Variants in PRKCH observed in about 807,000 individuals in gnomAD.
PRKCH encodes protein kinase C eta type.
PRKCH carries 28 observed loss-of-function variants against 82.5 expected under a neutral mutation model. The ratio of observed to expected loss-of-function variants is 0.34; its 90% CI spans 0.25 to 0.47. The LOEUF (loss-of-function observed/expected upper bound fraction) is 0.47. Ranked by LOEUF, PRKCH falls within the 20% of genes least tolerant of loss-of-function variation. PRKCH has a pLI of 1.00. For missense variants in PRKCH, 705 were observed against 881.8 expected (o/e 0.80, Z 2.54); for synonymous variants, 322 against 327.4 (o/e 0.98, Z 0.18).
At chr14:61,535,149 A>T (rs1303415422) in intron 12 of PRKCH, among the ~76,000 whole-genome samples, 1 of 152,186 alleles carries the variant, frequency 6.6e-6, no homozygotes, top group Non-Finnish European at 1.5e-5. Flanking sequence ...GTTTATTTAT[A>T]TAATAGGCTT....
intron 1 of PRKCH, among the ~76,000 whole-genome samples, chr14:61,371,091 T>C (rs770124850): frequency 1.9e-4 from 29 of 152,246 alleles, no homozygotes; most frequent in Non-Finnish European, 3.2e-4. Flanking sequence ...TAATTTAGAA[T>C]TTAATTTCTT....
chr14:61,486,569 G>C lies in PRKCH; in HGVS notation c.1433+913G>C, dbSNP rs3783769. On this transcript the variant is annotated intron_variant, in intron 10 of 13. Coordinates refer to ENST00000332981, the MANE Select transcript of PRKCH (RefSeq NM_006255.5). ...GTGAGAAGTGTAATAGTGAATGTTA[G>C]ATAATTTTTATTCTCACATTTTCCT... is the stretch of plus-strand genomic sequence containing the variant. Among the ~76,000 whole-genome samples, 2,983 of 152,176 alleles carry C rather than the reference G, an allele frequency of 0.02. 172 individuals carry two copies. In the East Asian group the frequency reaches 0.24, roughly 12 times the overall value.
At chr14:61,325,534 A>C (rs2045683804) in intron 1 of PRKCH, among the ~76,000 whole-genome samples, 1 of 152,220 alleles carries the variant, frequency 6.6e-6, no homozygotes, top group Non-Finnish European at 1.5e-5. Flanking sequence ...AGAAAACAAA[A>C]TTGTAGTGAC....
intron 1 of PRKCH, among the ~76,000 whole-genome samples, chr14:61,375,452 T>A (rs188963856): frequency 6.6e-6 from 1 of 152,196 alleles, no homozygotes; most frequent in African/African-American, 2.4e-5. Context: ...ATTTTCTGTA[T>A]TAGTCTATTC....
intron 1 of PRKCH, among the ~76,000 whole-genome samples, chr14:61,220,528 A>G (rs1464322727): frequency 6.6e-6 from 1 of 152,252 alleles, no homozygotes; most frequent in Non-Finnish European, 1.5e-5. Flanking sequence ...GTGAAAAACC[A>G]GATAAGATTT....
intron 10 of PRKCH, among the ~76,000 whole-genome samples, chr14:61,504,970 C>T (rs1223483274): frequency 6.6e-6 from 1 of 152,144 alleles, no homozygotes; most frequent in Admixed American, 6.5e-5. Flanking sequence ...TAGGCCTGCT[C>T]CCTGCCCACA....
chr14:61,405,641 G>T (rs972931905), intron 2 of PRKCH, among the ~76,000 whole-genome samples: 58 of 152,330 alleles, frequency 3.8e-4, no homozygotes, highest in African/African-American at 1.4e-3. Context: ...GCCTCCCAGA[G>T]TGCTGGGATT....
At chr14:61,455,160 G>C (rs1457395133) in intron 7 of PRKCH, among the ~76,000 whole-genome samples, 1 of 151,278 alleles carries the variant, frequency 6.6e-6, no homozygotes, top group African/African-American at 2.4e-5. Flanking sequence ...CTTCCGAGTA[G>C]CTGGGACTAT....
intron 10 of PRKCH, among the ~76,000 whole-genome samples, chr14:61,501,850 T>A (rs1886923037): frequency 6.6e-6 from 1 of 152,120 alleles, no homozygotes; most frequent in African/African-American, 2.4e-5. Flanking sequence ...GTCTCTCAAT[T>A]CCTCTTCCTC....
intron 12 of PRKCH, 67 bp downstream of exon 12, chr14:61,530,662 G>C: frequency 6.9e-7 from 1 of 1,456,410 alleles, no homozygotes; most frequent in Non-Finnish European, 9.3e-7. Flanking sequence ...TGCTGCTTGA[G>C]TCTTTTCAGT....
chr14:61,414,256 C>G (rs1594679611), intron 2 of PRKCH, among the ~76,000 whole-genome samples: 3 of 151,690 alleles, frequency 2.0e-5, no homozygotes, highest in African/African-American at 7.3e-5. Flanking sequence ...TGGGCACTCT[C>G]AATGGGCTTC....
intron 2 of PRKCH, among the ~76,000 whole-genome samples, chr14:61,405,977 G>A (rs1299760207): frequency 1.3e-5 from 2 of 152,170 alleles, no homozygotes; most frequent in East Asian, 1.9e-4. Context: ...CTGTTTTAAA[G>A]CAATGGAATT....
intron 1 of PRKCH, among the ~76,000 whole-genome samples, chr14:61,377,573 A>G (rs1326785431): frequency 2.6e-5 from 4 of 152,192 alleles, no homozygotes; most frequent in Non-Finnish European, 4.4e-5. Flanking sequence ...TTCATGGGCC[A>G]TAAGGTCTCA....
At position 61,280,540 on chromosome 14, in the gene PRKCH, T is replaced by C; in HGVS notation, c.-19+92872T>C. On this transcript the variant is annotated intron_variant, in intron 1 of 3. Transcript: ENST00000555185. The surrounding 1 kb of genome is among the most constrained non-coding windows in gnomAD (Gnocchi z 5.0). ...CAGCGGCGGGTTGCGGAACTTGACG[T>C]GGTAGTCGGTCCACCAGGCGATGCC... The C allele has an allele frequency of 6.2e-7, 1 of 1,611,884 alleles. No homozygotes were observed. Among genetic ancestry groups the C allele is most frequent in the African/African-American group, 1.3e-5 (1 of 74,968 alleles).
At chr14:61,270,027 A>G (rs952217875) in intron 1 of PRKCH, among the ~76,000 whole-genome samples, 1 of 152,238 alleles carries the variant, frequency 6.6e-6, no homozygotes, top group Non-Finnish European at 1.5e-5. Context: ...AGGGGCTGGC[A>G]CTGAGCCCAC....
At chr14:61,401,340 T>C (rs1043252264) in intron 2 of PRKCH, among the ~76,000 whole-genome samples, 6 of 152,206 alleles carry the variant, frequency 3.9e-5, no homozygotes, top group Non-Finnish European at 8.8e-5. Context: ...CATCATTGGC[T>C]TCACTGTACC....
chr14:61,231,614 C>T (rs1231406802), intron 1 of PRKCH, among the ~76,000 whole-genome samples: 6 of 152,086 alleles, frequency 3.9e-5, no homozygotes, highest in African/African-American at 1.2e-4. Flanking sequence ...CCTTGTGATC[C>T]GCCCACCTCG....
At chr14:61,233,215 A>C (rs1205405580) in intron 1 of PRKCH, among the ~76,000 whole-genome samples, 2 of 152,062 alleles carry the variant, frequency 1.3e-5, no homozygotes, top group Non-Finnish European at 2.9e-5. Context: ...ACATAGTGAG[A>C]CCTTGTCTCT....
intron 10 of PRKCH, among the ~76,000 whole-genome samples, chr14:61,496,552 C>T (rs1886676540): frequency 6.6e-6 from 1 of 152,222 alleles, no homozygotes; most frequent in Non-Finnish European, 1.5e-5. Flanking sequence ...TCCTGGACTC[C>T]CCTACCCTCC....
Sources: allele counts gnomAD v4.1 joint callset (sites outside exome capture counted in the v4.1 genomes callset), GRCh38; gene constraint gnomAD v4.1.1; non-coding constraint Gnocchi (gnomAD v3.1); transcripts MANE v1.5; gene names NCBI Gene and HGNC (gene_info 2026-07-23, HGNC 2026-07-21).